KDM4C: variants seen among roughly 807,000 people sequenced by gnomAD.
The protein encoded by KDM4C is lysine demethylase 4C.
A neutral mutation model predicts 129.3 loss-of-function variants in KDM4C; 81 were observed. The ratio of observed to expected loss-of-function variants is 0.63; its 90% CI spans 0.52 to 0.75. The LOEUF is 0.75. Among genes scored for constraint, KDM4C ranks in the 30% least tolerant of loss-of-function variants. The pLI is 0.00. For missense variants in KDM4C, 1,457 were observed against 1,304.0 expected, an observed-to-expected ratio of 1.12 and a Z score of -1.81; for synonymous variants, 573 against 456.1, an observed-to-expected ratio of 1.26 and a Z score of -3.26.
chr9:7,036,814 C>T (rs1167164391), intron 15 of KDM4C, among the ~76,000 whole-genome samples: 1 of 152,164 alleles, frequency 6.6e-6, no homozygotes, highest in Non-Finnish European at 1.5e-5. Flanking sequence ...CTTTGTCATT[C>T]ACTGTGTTGC....
At chr9:6,935,536 G>A in intron 8 of KDM4C, among the ~76,000 whole-genome samples, 1 of 150,962 alleles carries the variant, frequency 6.6e-6, no homozygotes, top group East Asian at 1.9e-4. Flanking sequence ...TCCTGCCTTG[G>A]CCTCCCAAGT....
At chr9:6,985,424 C>T (rs145890390) in intron 10 of KDM4C, among the ~76,000 whole-genome samples, 214 of 152,298 alleles carry the variant, frequency 1.4e-3, no homozygotes, top group African/African-American at 5.0e-3. Context: ...TAGTGGAGAG[C>T]TAGGCAAATA....
Position 7,056,611 on chromosome 9 carries a change from A to G in KDM4C, c.2424+7411A>G, listed in dbSNP as rs142671688. On this transcript the variant is annotated intron_variant, in intron 17 of 21. Coordinates refer to ENST00000381309, the MANE Select transcript of KDM4C (RefSeq NM_015061.6). ...ACTATGGATTTTTCTTTATCTGTTG[A>G]GAGAAAAACTGTGAGACAAAAGGAA... is the stretch of plus-strand genomic sequence containing the variant. Among the ~76,000 whole-genome samples the G allele has an allele frequency of 7.7e-3, 1,170 of 152,328 alleles. 9 individuals carry two copies. Among genetic ancestry groups the G allele is most frequent in the African/African-American group, 0.027 (1,115 of 41,576 alleles).
intron 17 of KDM4C, among the ~76,000 whole-genome samples, chr9:7,053,871 T>TA (rs1830534842): frequency 6.6e-6 from 1 of 152,238 alleles, no homozygotes. Context: ...ATGAAAATGC[T>TA]AACAAATCTT....
At chr9:6,835,656 G>T (rs1835749173) in intron 4 of KDM4C, 3 of 746,692 alleles carry the variant, frequency 4.0e-6, no homozygotes, top group Non-Finnish European at 7.3e-6. Context: ...GATTGGCATG[G>T]CTTTATTTTT....
chr9:6,759,496 A>G (rs372904445), intron 1 of KDM4C, among the ~76,000 whole-genome samples: 9 of 152,336 alleles, frequency 5.9e-5, no homozygotes, highest in African/African-American at 2.2e-4. Context: ...GGAACGGATT[A>G]CACGGTTGTT....
chr9:6,744,385 C>A (rs571386864), intron 1 of KDM4C, among the ~76,000 whole-genome samples: 1 of 152,004 alleles, frequency 6.6e-6, no homozygotes, highest in South Asian at 2.1e-4. Flanking sequence ...ATTAGCTGGG[C>A]ATGGTGGCGT....
At chr9:6,775,750 G>C (rs1413433032) in intron 1 of KDM4C, among the ~76,000 whole-genome samples, 1 of 151,038 alleles carries the variant, frequency 6.6e-6, no homozygotes, top group African/African-American at 2.4e-5. Flanking sequence ...TCGAACTCCT[G>C]ACCTCAGGTG....
At chr9:6,747,421 G>A (rs1051457293) in intron 1 of KDM4C, among the ~76,000 whole-genome samples, 6 of 150,770 alleles carry the variant, frequency 4.0e-5, no homozygotes, top group Non-Finnish European at 7.4e-5. Context: ...GGTGGTGGGC[G>A]CCTGTAGTCC....
chr9:7,042,369 T>A (rs188318035), intron 15 of KDM4C, among the ~76,000 whole-genome samples: 47 of 152,222 alleles, frequency 3.1e-4, no homozygotes, highest in African/African-American at 9.4e-4. Context: ...TTGCGTAACA[T>A]AACTAAAATC....
rs150508201 is a variant in KDM4C at position 6,743,670 on chromosome 9, G to A, written c.49+22673G>A. Among the ~76,000 whole-genome samples the A allele has an allele frequency of 3.7e-3, 568 of 152,110 alleles. 5 individuals are homozygous for A. Among genetic ancestry groups the A allele is most frequent in the African/African-American group, 0.013 (542 of 41,500 alleles). ...TTATAGGTGTGTACAACCAAGCCTGGCTATTTTTCTGTATTTTAGTAGAGA... is the reference window on the plus strand; with the variant it reads ...TTATAGGTGTGTACAACCAAGCCTGACTATTTTTCTGTATTTTAGTAGAGA... On this transcript the variant is annotated intron_variant, in intron 1 of 17. Coordinates refer to the KDM4C transcript ENST00000536108.
chr9:6,760,445 G>GTGTATATATATATATATATATATATATA (rs139577101), intron 1 of KDM4C, among the ~76,000 whole-genome samples: 2 of 142,524 alleles, frequency 1.4e-5, no homozygotes, highest in African/African-American at 5.2e-5. Context: ...CTACTCTTGG[G>GTGTATATATATATATATATATATATATA]TATATATATA....
intron 21 of KDM4C, among the ~76,000 whole-genome samples, chr9:7,173,361 A>G (rs993544177): frequency 6.6e-6 from 1 of 152,226 alleles, no homozygotes; most frequent in Non-Finnish European, 1.5e-5. Context: ...CCGTCTGAGC[A>G]GAGCACGGGG....
intron 4 of KDM4C, among the ~76,000 whole-genome samples, chr9:6,837,848 T>G (rs1836175494): frequency 6.6e-6 from 1 of 152,178 alleles, no homozygotes; most frequent in Admixed American, 6.5e-5. Context: ...TTAATAGATT[T>G]TTACTATTTT....
intron 8 of KDM4C, among the ~76,000 whole-genome samples, chr9:6,974,615 C>T (rs970340584): frequency 6.6e-6 from 1 of 152,182 alleles, no homozygotes; most frequent in Non-Finnish European, 1.5e-5. Flanking sequence ...GCTTCGGCCT[C>T]TGAAAGTGCT....
chr9:6,942,643 G>A (rs11791950), intron 8 of KDM4C: 64,213 of 151,846 alleles, frequency 0.42, 14,489 homozygotes, highest in African/African-American at 0.58. Context: ...GGGTTTGTGA[G>A]CTAACTGCAA....
chr9:6,889,174 A>G (rs1034371908), intron 7 of KDM4C, among the ~76,000 whole-genome samples: 1 of 123,038 alleles, frequency 8.1e-6, no homozygotes, highest in Non-Finnish European at 1.6e-5. Flanking sequence ...AAATCTTTAC[A>G]TTTTCTTCAC....
intron 5 of KDM4C, among the ~76,000 whole-genome samples, chr9:6,853,409 C>G (rs920075680): frequency 6.6e-6 from 1 of 152,138 alleles, no homozygotes; most frequent in African/African-American, 2.4e-5. Flanking sequence ...AGAGGATGAC[C>G]TGAGCCCGGG....
intron 17 of KDM4C, among the ~76,000 whole-genome samples, chr9:7,093,327 C>T (rs1252266967): frequency 2.0e-5 from 3 of 151,972 alleles, no homozygotes; most frequent in Non-Finnish European, 4.4e-5. Context: ...TAAAATAGCT[C>T]TAAAGATAAT....
Sources: allele counts gnomAD v4.1 joint callset (sites outside exome capture counted in the v4.1 genomes callset), GRCh38; gene constraint gnomAD v4.1.1; transcripts MANE v1.5; gene names NCBI Gene and HGNC (gene_info 2026-07-23, HGNC 2026-07-21).